Variants in DOCK1 observed in about 807,000 individuals in gnomAD.
The protein encoded by DOCK1 is dedicator of cytokinesis protein 1.
DOCK1 carries 138 observed loss-of-function variants against 262.7 expected under a neutral mutation model. That is an observed-to-expected ratio of 0.53 (90% CI 0.46 to 0.61). The LOEUF (loss-of-function observed/expected upper bound fraction) is 0.61, where lower values mean the gene tolerates loss of function less well. Among genes scored for constraint, DOCK1 ranks in the 20% least tolerant of loss-of-function variants. The probability of loss-of-function intolerance (pLI) is 0.00; values close to 1 mark genes in which losing one functional copy is unlikely to be tolerated. For synonymous variants in DOCK1, 866 were observed against 867.4 expected (o/e 1.00, Z 0.03); for missense variants, 1,908 against 2,370.7 (o/e 0.80, Z 4.05).
chr10:126,927,771 G>A (rs902356198), intron 1 of DOCK1, among the ~76,000 whole-genome samples: 13 of 152,236 alleles, frequency 8.5e-5, no homozygotes, highest in Admixed American at 7.2e-4. Flanking sequence ...TTCAGTAGAC[G>A]CGTAGTCAGA....
At chr10:127,414,452 C>T (rs866720205) in intron 43 of DOCK1, among the ~76,000 whole-genome samples, 3 of 152,166 alleles carry the variant, frequency 2.0e-5, no homozygotes, top group African/African-American at 7.2e-5. Context: ...AGAACAGTTT[C>T]CTGCAATAGG....
intron 1 of DOCK1, among the ~76,000 whole-genome samples, chr10:126,957,008 T>C (rs2036793294): frequency 6.6e-6 from 1 of 152,056 alleles, no homozygotes. Context: ...GGAGGGAACA[T>C]GGGCTCTCCC....
chr10:126,930,832 T>C (rs1409880043), intron 1 of DOCK1, among the ~76,000 whole-genome samples: 1 of 152,242 alleles, frequency 6.6e-6, no homozygotes, highest in African/African-American at 2.4e-5. Flanking sequence ...CCTGGTTTTC[T>C]CTAGGTGAGT....
intron 22 of DOCK1, among the ~76,000 whole-genome samples, chr10:127,055,665 A>C (rs2045092950): frequency 1.3e-5 from 2 of 152,232 alleles, no homozygotes; most frequent in African/African-American, 4.8e-5. Context: ...ATTCTGGGTT[A>C]CTAAATCCTA....
intron 1 of DOCK1, among the ~76,000 whole-genome samples, chr10:126,912,103 G>A (rs1218046709): frequency 1.3e-5 from 2 of 152,104 alleles, no homozygotes; most frequent in Admixed American, 6.5e-5. Flanking sequence ...TCTTCCTTCG[G>A]TGTGTGTCAG....
At chr10:127,273,702 C>T (rs994562328) in intron 29 of DOCK1, among the ~76,000 whole-genome samples, 1 of 151,998 alleles carries the variant, frequency 6.6e-6, no homozygotes, top group African/African-American at 2.4e-5. Context: ...GGCAACACGA[C>T]GCAACCCCAT....
chr10:127,371,114 C>A (rs2065185176), intron 33 of DOCK1, among the ~76,000 whole-genome samples: 1 of 152,220 alleles, frequency 6.6e-6, no homozygotes, highest in Non-Finnish European at 1.5e-5. Context: ...AATGTACTAT[C>A]TCCAATTTAG....
chr10:127,344,763 A>C (rs2063560137), intron 31 of DOCK1, among the ~76,000 whole-genome samples: 1 of 152,160 alleles, frequency 6.6e-6, no homozygotes, highest in Non-Finnish European at 1.5e-5. Flanking sequence ...TAGGAGGCTG[A>C]GGCAGGAAGA....
chr10:127,360,314 T>C (rs1442123144), intron 32 of DOCK1, among the ~76,000 whole-genome samples: 1 of 152,062 alleles, frequency 6.6e-6, no homozygotes, highest in African/African-American at 2.4e-5. Context: ...CCACAGGATA[T>C]GGGGTCCCCG....
intron 29 of DOCK1, among the ~76,000 whole-genome samples, chr10:127,296,903 C>A (rs1191916326): frequency 6.6e-6 from 1 of 152,156 alleles, no homozygotes; most frequent in Non-Finnish European, 1.5e-5. Flanking sequence ...GAGCTGTGGC[C>A]CATCAGTGGC....
At chr10:127,300,704 C>A (rs2061650917) in intron 29 of DOCK1, among the ~76,000 whole-genome samples, 1 of 152,162 alleles carries the variant, frequency 6.6e-6, no homozygotes, top group Admixed American at 6.5e-5. Flanking sequence ...GGGCCTTTTT[C>A]CCTCTTAGGG....
rs9418802 is a variant in DOCK1, at chr10:127,032,328, C to T, written c.1912+8C>T. The T allele has an allele frequency of 0.19, 285,274 of 1,512,614 alleles. 28,882 individuals carry two copies. Among genetic ancestry groups the T allele is most frequent in the South Asian group, 0.31 (23,277 of 74,230 alleles). 93.7% of individuals were successfully genotyped at this position (1,512,614 alleles called of 1,614,324 possible). A position where few individuals can be genotyped will look rare whatever the true frequency, so the allele number is the denominator to read the frequency against. On this transcript the variant is annotated splice_region_variant and intron_variant, in intron 18 of 51. Coordinates refer to ENST00000623213, the MANE Select transcript of DOCK1 (RefSeq NM_001290223.2). ...CCAAACTGACTCAGAACGGTGCGTT[C>T]GAGAGGAGAAACACACTCACCCCAG...
intron 30 of DOCK1, 129 bp downstream of exon 30, chr10:127,339,213 G>A: frequency 1.3e-6 from 1 of 784,070 alleles, no homozygotes; most frequent in Non-Finnish European, 2.1e-6. Context: ...TGCGGAAACG[G>A]AATTTGTAGT....
At chr10:127,170,769 CT>C (rs2054500747) in intron 27 of DOCK1, among the ~76,000 whole-genome samples, 1 of 152,200 alleles carries the variant, frequency 6.6e-6, no homozygotes, top group African/African-American at 2.4e-5. Flanking sequence ...CCTTCAATGA[CT>C]CCCATTAGTG....
intron 21 of DOCK1, among the ~76,000 whole-genome samples, chr10:127,050,843 T>A (rs959300016): frequency 3.9e-5 from 6 of 152,216 alleles, no homozygotes; most frequent in African/African-American, 1.4e-4. Context: ...TTCTAGATTT[T>A]AAAAAATTAA....
intron 2 of DOCK1, among the ~76,000 whole-genome samples, chr10:126,977,180 A>AGG (rs2038607913): frequency 6.6e-6 from 1 of 152,188 alleles, no homozygotes; most frequent in Non-Finnish European, 1.5e-5. Context: ...AGGCCTTTGC[A>AGG]GGGGCAGTTC....
chr10:127,332,408 C>A (rs987575538), intron 29 of DOCK1, among the ~76,000 whole-genome samples: 2 of 152,204 alleles, frequency 1.3e-5, no homozygotes, highest in Non-Finnish European at 2.9e-5. Context: ...CGCTGTAGTG[C>A]AGACAGGAAA....
chr10:127,023,482 A>T (rs952297242), intron 14 of DOCK1, among the ~76,000 whole-genome samples, 158 bp downstream of exon 14: 1 of 150,158 alleles, frequency 6.7e-6, no homozygotes, highest in Non-Finnish European at 1.5e-5. Flanking sequence ...CCAGCTTGCC[A>T]TGCAGGGCCT....
intron 27 of DOCK1, among the ~76,000 whole-genome samples, chr10:127,162,991 AC>A (rs2053721721): frequency 6.6e-6 from 1 of 152,156 alleles, no homozygotes; most frequent in Non-Finnish European, 1.5e-5. Flanking sequence ...GACTGTTCTA[AC>A]CCGCATGCAA....
Sources: allele counts gnomAD v4.1 joint callset (sites outside exome capture counted in the v4.1 genomes callset), GRCh38; gene constraint gnomAD v4.1.1; transcripts MANE v1.5; gene names NCBI Gene and HGNC (gene_info 2026-07-23, HGNC 2026-07-21).